Variants in CEMIP2 observed in about 807,000 individuals in gnomAD.
CEMIP2 encodes cell surface hyaluronidase CEMIP2.
In CEMIP2, 79 loss-of-function variants were observed where a neutral mutation model predicts 146.9. The observed-to-expected ratio is 0.54, with a 90% CI of 0.45 to 0.65. The LOEUF is 0.65. Ranked by LOEUF, CEMIP2 falls within the 30% of genes least tolerant of loss-of-function variation. CEMIP2 has a pLI of 0.00. For synonymous variants in CEMIP2, 601 were observed against 606.3 expected, an observed-to-expected ratio of 0.99 and a Z score of 0.13; for missense variants, 1,596 against 1,696.2, an observed-to-expected ratio of 0.94 and a Z score of 1.04.
intron 22 of CEMIP2, among the ~76,000 whole-genome samples, chr9:71,687,727 C>A (rs1406665198): frequency 6.6e-6 from 1 of 152,078 alleles, no homozygotes; most frequent in African/African-American, 2.4e-5. Context: ...ACCAGCCAGG[C>A]TGGTGGTGTG....
intron 1 of CEMIP2, among the ~76,000 whole-genome samples, chr9:71,757,092 C>A (rs1436956589): frequency 6.6e-6 from 1 of 152,100 alleles, no homozygotes. Context: ...AGGACACTTG[C>A]CCCCTAGGCT....
intron 1 of CEMIP2, among the ~76,000 whole-genome samples, chr9:71,755,047 G>A (rs1285378085): frequency 6.6e-6 from 1 of 152,044 alleles, no homozygotes; most frequent in African/African-American, 2.4e-5. Flanking sequence ...AAAAACTGGT[G>A]TATTACCTCA....
chr9:71,722,368 T>A, intron 12 of CEMIP2, 59 bp downstream of exon 12: 2 of 1,298,852 alleles, frequency 1.5e-6, no homozygotes, highest in Non-Finnish European at 2.2e-6. Flanking sequence ...AAACTCCAGT[T>A]AGAAAGTTTT....
At chr9:71,717,782 T>C (rs1823109668) in intron 13 of CEMIP2, among the ~76,000 whole-genome samples, 166 bp downstream of exon 13, 1 of 152,102 alleles carries the variant, frequency 6.6e-6, no homozygotes, top group Non-Finnish European at 1.5e-5. Flanking sequence ...CTTCAAACAT[T>C]TGTGGTCTTT....
chr9:71,732,180 A>C (rs1052627893), intron 7 of CEMIP2, among the ~76,000 whole-genome samples, 171 bp downstream of exon 7: 3 of 152,188 alleles, frequency 2.0e-5, no homozygotes, highest in African/African-American at 7.2e-5. Context: ...CAACTAACTG[A>C]AGTCATAACA....
chr9:71,753,870 T>C (rs867825852), intron 1 of CEMIP2, among the ~76,000 whole-genome samples: 141 of 152,360 alleles, frequency 9.3e-4, no homozygotes, highest in African/African-American at 3.3e-3. Context: ...TGTGAGCTCT[T>C]GCTATCGTTA....
chr9:71,726,927 C>T (rs11142980), intron 10 of CEMIP2, among the ~76,000 whole-genome samples: 69,720 of 151,870 alleles, frequency 0.46, 18,906 homozygotes, highest in East Asian at 0.61. Context: ...GGGAGTGGGA[C>T]GGGGATAAGG....
At chr9:71,766,361 A>G (rs1401042063) in intron 1 of CEMIP2, among the ~76,000 whole-genome samples, 2 of 152,086 alleles carry the variant, frequency 1.3e-5, no homozygotes, top group East Asian at 3.9e-4. Flanking sequence ...GCGTGAGCCA[A>G]TTGTGCCCGG....
chr9:71,694,712 AT>A, intron 20 of CEMIP2, 105 bp from the exon 21 acceptor site: 1 of 713,506 alleles, frequency 1.4e-6, no homozygotes, highest in Admixed American at 2.5e-5. Context: ...TGTATTTCTT[AT>A]TCTGAACTTT....
chr9:71,724,528 A>C (rs1383933656), intron 11 of CEMIP2, among the ~76,000 whole-genome samples: 1 of 152,192 alleles, frequency 6.6e-6, no homozygotes, highest in Non-Finnish European at 1.5e-5. Flanking sequence ...TGAGTATCAT[A>C]AATGCAAAGT....
Position 71,717,961 on chromosome 9 carries a change from C to G in CEMIP2, c.2386G>C (p.Val796Leu). ...GAGAATACCCACGCTGAATTTTGAACGATAATATCTCCTCCTCTGACCCAA... is the reference window on the plus strand; with the variant it reads ...GAGAATACCCACGCTGAATTTTGAAGGATAATATCTCCTCCTCTGACCCAA... ...GAWVRGGDII[V>L]QNSAFADNGI... Residue 796 changes from valine (V) to leucine (L), a missense_variant, in exon 13 of 24, where the codon GTT becomes CTT. Transcript: ENST00000377044. 1.2e-6 allele frequency: 2 copies of G among 1,604,736 alleles called. No individual in the cohort carries two copies. The highest frequency in any genetic ancestry group is 1.7e-6 in the Non-Finnish European group (2 of 1,175,950).
chr9:71,745,459 G>C lies in CEMIP2; in HGVS notation c.593C>G (p.Ser198Cys). ...HIGAEKCRYKSKATITLYGKS... is the reference protein window; with the variant it reads ...HIGAEKCRYKCKATITLYGKS... ...GCCATACAAGGTAATTGTCGCTTTG[G>C]ATTTATAGCGGCATTTTTCTGCTCC... Residue 198 changes from serine (S) to cysteine (C), a missense_variant, in exon 4 of 24, where the codon TCC (serine) becomes TGC (cysteine). Transcript: ENST00000377044. 3 of 1,613,994 alleles carry C rather than the reference G, an allele frequency of 1.9e-6. No homozygotes were observed. The highest frequency in any genetic ancestry group is 2.5e-6 in the Non-Finnish European group (3 of 1,180,004).
chr9:71,728,292 T>C lies in CEMIP2; in HGVS notation c.2049+1553A>G, dbSNP rs1232770170. On this transcript the variant is annotated intron_variant, in intron 10 of 23. Coordinates refer to ENST00000377044, the MANE Select transcript of CEMIP2 (RefSeq NM_013390.3). ...ATATATATATATATGTATATATATATATATATATACATATATATATATATA... is the reference window on the plus strand; with the variant it reads ...ATATATATATATATGTATATATATACATATATATACATATATATATATATA... Among the ~76,000 whole-genome samples, 44 of 24,888 alleles carry C rather than the reference T, an allele frequency of 1.8e-3. 8 individuals carry two copies. Among genetic ancestry groups the C allele is most frequent in the African/African-American group, 4.1e-3 (39 of 9,526 alleles). The allele number at this position is 24,888 out of a possible 152,430, so 16.3% of individuals were successfully genotyped here. A position where few individuals can be genotyped will look rare whatever the true frequency, so the allele number is the denominator to read the frequency against.
intron 20 of CEMIP2, chr9:71,697,742 C>T (rs1455492164): frequency 2.2e-6 from 1 of 453,646 alleles, no homozygotes; most frequent in Non-Finnish European, 3.9e-6. Context: ...TAATTTTAAA[C>T]TGTGGAAAAT....
intron 5 of CEMIP2, among the ~76,000 whole-genome samples, chr9:71,739,517 C>G (rs996020796): frequency 3.3e-5 from 5 of 151,880 alleles, no homozygotes; most frequent in Admixed American, 3.3e-4. Flanking sequence ...AAAGAAACAG[C>G]AGTCATCTTG....
chr9:71,690,146 G>T lies in CEMIP2; in HGVS notation c.3797C>A (p.Pro1266His). 1 of 1,614,174 alleles carries T rather than the reference G, an allele frequency of 6.2e-7. No homozygotes were observed. Among genetic ancestry groups the T allele is most frequent in the Non-Finnish European group, 8.5e-7 (1 of 1,180,020 alleles). Residue 1266 changes from proline to histidine, a missense_variant, in exon 22 of 24, where the codon CCT becomes CAT. By Grantham distance (77) the Pro-to-His change is moderately conservative. Coordinates refer to ENST00000377044, the MANE Select transcript of CEMIP2 (RefSeq NM_013390.3). ...PFRLTEKTVF[P>H]LADVSRIEEY... ...TTCAATGCGACTGACATCAGCAAGA[G>T]GAAAAACCGTTTTTTCCGTCAAGCG...
intron 22 of CEMIP2, among the ~76,000 whole-genome samples, chr9:71,688,460 G>A (rs1822135122): frequency 1.3e-5 from 2 of 151,476 alleles, no homozygotes; most frequent in African/African-American, 4.9e-5. Flanking sequence ...GTACAATCTT[G>A]GCTCACTGCA....
chr9:71,735,929 G>C (rs62547056), intron 5 of CEMIP2, among the ~76,000 whole-genome samples: 10,689 of 152,008 alleles, frequency 0.07, 541 homozygotes, highest in South Asian at 0.19. Context: ...CCCATCTCTA[G>C]AAAATATTTT....
intron 5 of CEMIP2, among the ~76,000 whole-genome samples, chr9:71,736,216 T>C (rs1218323229): frequency 6.6e-6 from 1 of 152,246 alleles, no homozygotes; most frequent in Non-Finnish European, 1.5e-5. Context: ...GTCCTTTTTA[T>C]GAAGTTCAGG....
Sources: allele counts gnomAD v4.1 joint callset (sites outside exome capture counted in the v4.1 genomes callset), GRCh38; gene constraint gnomAD v4.1.1; transcripts MANE v1.5; gene names NCBI Gene and HGNC (gene_info 2026-07-23, HGNC 2026-07-21).